CSMD1: variants seen among roughly 807,000 people sequenced by gnomAD.
CSMD1 encodes the protein CUB and Sushi multiple domains 1.
Under a neutral mutation model 417.5 loss-of-function variants are expected in CSMD1, and 213 were observed. The ratio of observed to expected loss-of-function variants is 0.51; its 90% CI spans 0.46 to 0.57. The LOEUF (loss-of-function observed/expected upper bound fraction) is 0.57. Ranked by LOEUF, CSMD1 falls within the 20% of genes least tolerant of loss-of-function variation. The pLI, the probability that CSMD1 is intolerant of heterozygous loss-of-function variation, is 0.00. For missense variants in CSMD1, 6,923 were observed against 4,529.7 expected (o/e 1.53, Z -15.17); for synonymous variants, 2,862 against 1,736.8 (o/e 1.65, Z -16.11).
chr8:3,652,924 A>G (rs1797932290), intron 7 of CSMD1, among the ~76,000 whole-genome samples: 1 of 152,218 alleles, frequency 6.6e-6, no homozygotes, highest in Admixed American at 6.5e-5. Context: ...GAATAAATGA[A>G]CACCACTAAA....
chr8:3,681,594 C>T (rs1339825666), intron 7 of CSMD1, among the ~76,000 whole-genome samples: 1 of 152,082 alleles, frequency 6.6e-6, no homozygotes, highest in Non-Finnish European at 1.5e-5. Context: ...GAGTAAATAT[C>T]GTCAAAATGG....
At position 4,266,246 on chromosome 8, in the gene CSMD1, C is replaced by G. The variant is rs546420362; in HGVS notation, c.415+153707G>C. Among the ~76,000 whole-genome samples, 510 of 104,894 alleles carry G rather than the reference C, an allele frequency of 4.9e-3. 74 individuals carry two copies. The highest frequency in any genetic ancestry group is 0.013 in the African/African-American group (488 of 38,426). The allele number at this position is 104,894 out of a possible 152,430, so 68.8% of individuals were successfully genotyped here. On this transcript the variant is annotated intron_variant, in intron 3 of 69. Transcript: ENST00000635120. ...AATGGTAACACATTTCCATACAACT[C>G]ATTTAAAAATTTAATACCAAAGAAA...
intron 49 of CSMD1, among the ~76,000 whole-genome samples, chr8:3,078,562 T>C (rs1035178599): frequency 2.0e-5 from 3 of 152,198 alleles, no homozygotes; most frequent in African/African-American, 7.2e-5. Context: ...CTATGGCCTG[T>C]GGGTCGAAAC....
chr8:3,420,897 A>C (rs561791089), intron 12 of CSMD1, among the ~76,000 whole-genome samples: 2 of 152,138 alleles, frequency 1.3e-5, no homozygotes, highest in African/African-American at 4.8e-5. Context: ...GAGAAAAATC[A>C]CTCTTTCCTG....
intron 6 of CSMD1, among the ~76,000 whole-genome samples, chr8:3,750,186 C>A (rs930833455): frequency 6.6e-6 from 1 of 152,090 alleles, no homozygotes; most frequent in African/African-American, 2.4e-5. Context: ...ATCCAAGTAA[C>A]ACTGACGGAA....
At chr8:4,681,956 C>G (rs1806078278) in intron 1 of CSMD1, among the ~76,000 whole-genome samples, 1 of 152,016 alleles carries the variant, frequency 6.6e-6, no homozygotes, top group Admixed American at 6.6e-5. Flanking sequence ...TCTTTGCTTT[C>G]TTGTGTTTCT....
At chr8:4,876,074 G>C (rs551492033) in intron 1 of CSMD1, among the ~76,000 whole-genome samples, 1 of 152,174 alleles carries the variant, frequency 6.6e-6, no homozygotes, top group South Asian at 2.1e-4. Flanking sequence ...CTAGCAGATA[G>C]CCTAATGAGT....
intron 1 of CSMD1, among the ~76,000 whole-genome samples, chr8:4,645,954 G>C (rs1803491343): frequency 6.6e-6 from 1 of 152,160 alleles, no homozygotes. Context: ...GAGTGATAAA[G>C]TCGGTTATAT....
At chr8:4,376,180 A>G (rs1032989917) in intron 3 of CSMD1, among the ~76,000 whole-genome samples, 1 of 152,222 alleles carries the variant, frequency 6.6e-6, no homozygotes. Context: ...CAACTGTATC[A>G]AAAGAATTTA....
intron 1 of CSMD1, among the ~76,000 whole-genome samples, chr8:4,950,985 AAAACAAAC>A (rs35979897): frequency 1.3e-5 from 2 of 150,880 alleles, no homozygotes; most frequent in Admixed American, 6.6e-5. Context: ...AACAAAAACA[AAAACAAAC>A]AAACAAAAAA....
Position 4,463,140 on chromosome 8 carries a change from G to A in CSMD1, c.303-43075C>T, listed in dbSNP as rs552487155. On this transcript the variant is annotated intron_variant, in intron 2 of 69. Coordinates refer to ENST00000635120, the MANE Select transcript of CSMD1 (RefSeq NM_033225.6). ...GTATGGGCACAATAATCGAATAGAC[G>A]CTGCCCCAAAGAAGATACACAAATG... is the stretch of plus-strand genomic sequence containing the variant. 5.3e-5 allele frequency among the ~76,000 whole-genome samples: 8 copies of A among 152,162 alleles called. No homozygotes were observed. The South Asian group carries it at 1.0e-3, about 20-fold the overall frequency.
At position 3,592,492 on chromosome 8, in the gene CSMD1, G is replaced by A. The variant is rs951767943; in HGVS notation, c.1098-6232C>T. ...CAGCGTGACATTCAAGCCTGGATTT[G>A]CCATATTTGTCCTTGTAAAATGGAG... On this transcript the variant is annotated intron_variant, in intron 8 of 69. Coordinates refer to ENST00000635120, the MANE Select transcript of CSMD1 (RefSeq NM_033225.6). Among the ~76,000 whole-genome samples the A allele has an allele frequency of 8.5e-5, 13 of 152,142 alleles. 1 individual carries two copies. The highest frequency in any genetic ancestry group is 5.2e-4 in the Admixed American group (8 of 15,274).
rs75100448 is a variant in CSMD1, at chr8:4,569,670, T to C, written c.302+67672A>G. Among the ~76,000 whole-genome samples the C allele has an allele frequency of 9.2e-4, 140 of 152,330 alleles. 1 individual carries two copies. The highest frequency in any genetic ancestry group is 3.2e-3 in the African/African-American group (134 of 41,574). ...ATGACCTTTAGTTTTTTTCTAATTC[T>C]GTGAACAAAGTCAATGGTAGCTTGA... On this transcript the variant is annotated intron_variant, in intron 2 of 69. Transcript: ENST00000635120.
At chr8:3,526,287 G>C (rs1017317614) in intron 10 of CSMD1, among the ~76,000 whole-genome samples, 49 of 151,946 alleles carry the variant, frequency 3.2e-4, no homozygotes, top group African/African-American at 1.2e-3. Flanking sequence ...GAAAAGAAAA[G>C]CAAATAGATA....
At chr8:4,475,309 G>A (rs1800740369) in intron 2 of CSMD1, among the ~76,000 whole-genome samples, 3 of 152,106 alleles carry the variant, frequency 2.0e-5, no homozygotes, top group African/African-American at 7.2e-5. Context: ...TTACAAGCAT[G>A]TCTCCAAATT....
chr8:3,825,100 G>A (rs116249237), intron 5 of CSMD1, among the ~76,000 whole-genome samples: 3,945 of 152,210 alleles, frequency 0.026, 75 homozygotes, highest in African/African-American at 0.048. Context: ...TTCAGGCCAG[G>A]CATTTTCGAG....
At chr8:3,050,810 AGTTT>A (rs990692205) in intron 50 of CSMD1, among the ~76,000 whole-genome samples, 1 of 152,228 alleles carries the variant, frequency 6.6e-6, no homozygotes, top group African/African-American at 2.4e-5. Context: ...GATATAAGTT[AGTTT>A]AAAATTTTTA....
chr8:2,994,658 T>C (rs1806717989), intron 54 of CSMD1, among the ~76,000 whole-genome samples: 1 of 152,248 alleles, frequency 6.6e-6, no homozygotes, highest in South Asian at 2.1e-4. Context: ...AAAGTGAGTA[T>C]AGCTACATAG....
chr8:3,498,117 T>A lies in CSMD1; in HGVS notation c.1345-4391A>T, dbSNP rs183947321. 1.8e-3 allele frequency among the ~76,000 whole-genome samples: 270 copies of A among 152,336 alleles called. 1 individual carries two copies. Among genetic ancestry groups the A allele is most frequent in the Non-Finnish European group, 1.6e-3 (108 of 68,030 alleles). The stretch of plus-strand genomic sequence containing the variant: ...TTCTTTTTTCTTTCAGCATTTTCAT[T>A]ATATCACCCTGTTCTCCCCTAGCCT... On this transcript the variant is annotated intron_variant, in intron 10 of 69. Transcript: ENST00000635120.
Sources: gnomAD v4.1 joint callset for allele counts (sites outside exome capture counted in the v4.1 genomes callset) on GRCh38, gnomAD v4.1.1 for gene constraint, MANE v1.5 for transcripts, NCBI Gene and HGNC (gene_info 2026-07-23, HGNC 2026-07-21) for gene names.